The following RBFOX1 variants were observed in gnomAD, a reference collection of about 807,000 sequenced individuals.
The protein encoded by RBFOX1 is RNA binding protein fox-1 homolog 1.
In RBFOX1, 8 loss-of-function variants were observed where a neutral mutation model predicts 57.7. The ratio of observed to expected loss-of-function variants is 0.14; its 90% confidence interval spans 0.08 to 0.25. The LOEUF (loss-of-function observed/expected upper bound fraction) is 0.25, where lower values mean the gene tolerates loss of function less well. Ranked by LOEUF, RBFOX1 falls within the 10% of genes least tolerant of loss-of-function variation. RBFOX1 has a pLI of 1.00. For missense variants in RBFOX1, 611 were observed against 548.5 expected, an observed-to-expected ratio of 1.11 and a Z score of -1.14; for synonymous variants, 326 against 222.4, an observed-to-expected ratio of 1.47 and a Z score of -4.15.
chr16:5,981,602 G>A lies in RBFOX1; in HGVS notation c.351+114267G>A, dbSNP rs1157846838. On this transcript the variant is annotated intron_variant, in intron 4 of 19. Transcript: ENST00000641259. ...TCCTGCTTCAGCCTCATGAGTAGCT[G>A]GGATTATAGGTGCCCACTATCAGGC... is the stretch of plus-strand genomic sequence containing the variant. Among the ~76,000 whole-genome samples, 4 of 152,044 alleles carry A rather than the reference G, an allele frequency of 2.6e-5. No individual in the cohort carries two copies. In the East Asian group the frequency reaches 5.8e-4, roughly 22 times the overall value.
intron 4 of RBFOX1, among the ~76,000 whole-genome samples, chr16:7,100,161 G>A (rs1482295751): frequency 6.6e-6 from 1 of 151,992 alleles, no homozygotes; most frequent in African/African-American, 2.4e-5. Flanking sequence ...GGGATGCAGA[G>A]AAAACAAAAT....
chr16:6,435,900 C>G (rs535004515), intron 2 of RBFOX1, among the ~76,000 whole-genome samples: 1 of 152,144 alleles, frequency 6.6e-6, no homozygotes, highest in African/African-American at 2.4e-5. Context: ...TGATCTGTGA[C>G]ACACACCATG....
chr16:7,197,689 A>G (rs1195485413), intron 4 of RBFOX1, among the ~76,000 whole-genome samples: 1 of 152,194 alleles, frequency 6.6e-6, no homozygotes, highest in Non-Finnish European at 1.5e-5. Context: ...GTCCATCACC[A>G]GGTGTGTGGA....
At chr16:7,051,189 A>G (rs952615417) in intron 3 of RBFOX1, among the ~76,000 whole-genome samples, 1 of 152,224 alleles carries the variant, frequency 6.6e-6, no homozygotes, top group Non-Finnish European at 1.5e-5. Flanking sequence ...TTTCAGCTTA[A>G]CTATTTTAGT....
Position 7,072,284 on chromosome 16 carries a change from A to G in RBFOX1, c.27+20186A>G, listed in dbSNP as rs561080705. Among the ~76,000 whole-genome samples, 3 of 152,210 alleles carry G rather than the reference A, an allele frequency of 2.0e-5. No individual in the cohort carries two copies. The East Asian group carries it at 5.8e-4, about 29-fold the overall frequency. On this transcript the variant is annotated intron_variant, in intron 4 of 15. Coordinates refer to ENST00000550418, the MANE Select transcript of RBFOX1 (RefSeq NM_018723.4). ...ACCTTTAAAGAGCTTAATTAATGCT[A>G]CTCTTATTCTTCATTCATCACTTTC... is the stretch of plus-strand genomic sequence containing the variant.
At chr16:7,531,240 A>G (rs1427884477) in intron 5 of RBFOX1, among the ~76,000 whole-genome samples, 4 of 152,230 alleles carry the variant, frequency 2.6e-5, no homozygotes, top group African/African-American at 9.6e-5. Flanking sequence ...TGATTGTCAG[A>G]TGAGGAACAT....
At chr16:7,196,710 C>G (rs78878127) in intron 4 of RBFOX1, among the ~76,000 whole-genome samples, 2 of 152,058 alleles carry the variant, frequency 1.3e-5, no homozygotes, top group African/African-American at 2.4e-5. Flanking sequence ...TACAGAGGGT[C>G]AGGAGTCATG....
At chr16:6,510,201 TA>T (rs897444822) in intron 2 of RBFOX1, among the ~76,000 whole-genome samples, 1 of 152,180 alleles carries the variant, frequency 6.6e-6, no homozygotes, top group African/African-American at 2.4e-5. Context: ...GATTTATTTT[TA>T]TTAGCCCCTT....
chr16:5,619,896 A>G (rs958865194), intron 3 of RBFOX1, among the ~76,000 whole-genome samples: 1 of 152,098 alleles, frequency 6.6e-6, no homozygotes, highest in African/African-American at 2.4e-5. Context: ...TTTAAAGAAG[A>G]ATATGCTGAC....
At chr16:6,498,729 G>A (rs1214689773) in intron 2 of RBFOX1, among the ~76,000 whole-genome samples, 1 of 152,178 alleles carries the variant, frequency 6.6e-6, no homozygotes, top group African/African-American at 2.4e-5. Context: ...TTAAGTCCTG[G>A]AAAATCTAAA....
intron 3 of RBFOX1, among the ~76,000 whole-genome samples, chr16:6,685,972 CCAAG>C (rs1487495389): frequency 3.9e-5 from 6 of 152,112 alleles, no homozygotes; most frequent in African/African-American, 1.4e-4. Flanking sequence ...CGTGACAAAA[CCAAG>C]CAGGTTCTGT....
intron 2 of RBFOX1, among the ~76,000 whole-genome samples, chr16:5,482,411 G>T (rs962920928): frequency 6.6e-6 from 1 of 152,210 alleles, no homozygotes; most frequent in Admixed American, 6.5e-5. Flanking sequence ...CTGCAGCCCA[G>T]GCGGGGCTGG....
At chr16:6,314,940 G>T (rs533370571) in intron 1 of RBFOX1, among the ~76,000 whole-genome samples, 1 of 152,210 alleles carries the variant, frequency 6.6e-6, no homozygotes, top group South Asian at 2.1e-4. Flanking sequence ...TGTCAGCTCC[G>T]TTGCCACTTC....
chr16:7,041,330 A>G (rs2046115480), intron 3 of RBFOX1, among the ~76,000 whole-genome samples: 1 of 152,114 alleles, frequency 6.6e-6, no homozygotes, highest in African/African-American at 2.4e-5. Flanking sequence ...GAGTAGCTGC[A>G]ACAAAGACAA....
In RBFOX1 at chr16:7,200,359, G is replaced by T. The variant is rs1428999055; in HGVS notation, c.27+148261G>T. On this transcript the variant is annotated intron_variant, in intron 4 of 15. Transcript: ENST00000550418. ...CTTATGGAAGAGCCTGAATGTGACA[G>T]GAAGCACGCATGTGCATCGTTAAGT... 2.6e-5 allele frequency among the ~76,000 whole-genome samples: 4 copies of T among 152,194 alleles called. No individual in the cohort carries two copies. The East Asian group carries it at 5.8e-4, about 22-fold the overall frequency.
intron 1 of RBFOX1, among the ~76,000 whole-genome samples, chr16:6,278,340 T>G (rs1371101991): frequency 1.4e-5 from 2 of 145,208 alleles, no homozygotes; most frequent in Middle Eastern, 3.3e-3. Flanking sequence ...GTTATTTTTT[T>G]TTTTCGTCTC....
intron 1 of RBFOX1, among the ~76,000 whole-genome samples, chr16:6,267,573 ATTTCTTTTTTT>A (rs2074680534): frequency 6.6e-6 from 1 of 152,148 alleles, no homozygotes; most frequent in Admixed American, 6.5e-5. Flanking sequence ...TATCTGACAG[ATTTCTTTTTTT>A]ACCATAAGTT....
intron 4 of RBFOX1, among the ~76,000 whole-genome samples, chr16:7,454,413 G>C (rs2058062503): frequency 6.6e-6 from 1 of 152,188 alleles, no homozygotes; most frequent in African/African-American, 2.4e-5. Flanking sequence ...TGTCTCCCAA[G>C]TTATCAAGTC....
intron 2 of RBFOX1, among the ~76,000 whole-genome samples, chr16:6,493,925 A>G (rs1012344518): frequency 6.6e-6 from 1 of 152,228 alleles, no homozygotes; most frequent in Non-Finnish European, 1.5e-5. Context: ...TAATACATCT[A>G]CAGTAGCATC....
Sources: allele counts gnomAD v4.1 joint callset (sites outside exome capture counted in the v4.1 genomes callset), GRCh38; gene constraint gnomAD v4.1.1; transcripts MANE v1.5; gene names NCBI Gene and HGNC (gene_info 2026-07-23, HGNC 2026-07-21).